Variants in KL observed in about 807,000 individuals in gnomAD.
KL encodes the protein alpha-klotho.
KL carries 62 observed loss-of-function variants against 84.2 expected under a neutral mutation model. That is an observed-to-expected ratio of 0.74 (90% CI 0.60 to 0.91). The LOEUF (loss-of-function observed/expected upper bound fraction) is 0.91, where lower values mean the gene tolerates loss of function less well. KL is among the 40% of genes least tolerant of loss of function. The pLI is 0.00. For synonymous variants in KL, 528 were observed against 528.0 expected (o/e 1.00, Z 0.00); for missense variants, 1,261 against 1,305.7 (o/e 0.97, Z 0.53).
chr13:33,054,830 C>G (rs1231143233), intron 2 of KL, among the ~76,000 whole-genome samples: 1 of 151,818 alleles, frequency 6.6e-6, no homozygotes, highest in African/African-American at 2.4e-5. Context: ...CTCAGAAATC[C>G]AAAAAACATA....
intron 1 of KL, among the ~76,000 whole-genome samples, chr13:33,035,123 G>A (rs1051744496): frequency 2.6e-5 from 4 of 152,104 alleles, no homozygotes; most frequent in African/African-American, 4.8e-5. Flanking sequence ...ATGACTTTCC[G>A]CTATCCACCA....
intron 1 of KL, among the ~76,000 whole-genome samples, chr13:33,027,549 A>G (rs967335458): frequency 1.3e-5 from 2 of 152,138 alleles, no homozygotes; most frequent in Non-Finnish European, 2.9e-5. Flanking sequence ...TGAGCCTTTA[A>G]CTGTTTGTTA....
intron 1 of KL, among the ~76,000 whole-genome samples, chr13:33,025,817 T>G (rs1462252581): frequency 6.7e-6 from 1 of 148,268 alleles, no homozygotes; most frequent in Admixed American, 6.6e-5. Flanking sequence ...CTCTCAGGTT[T>G]TTTCCCCCCA....
rs139375994 is a variant in KL, at chr13:33,061,168, T to C, written c.2089T>C (p.Tyr697His). 15 of 1,614,108 alleles carry C rather than the reference T, an allele frequency of 9.3e-6. No individual in the cohort carries two copies. The Admixed American group carries it at 2.2e-4, about 23-fold the overall frequency. Reference sequence around the variant, plus strand: ...TGAGCCGTATACAAGGAATATGACATACAGTGCTGGCCACAACCTTCTGAA... The same window carrying C: ...TGAGCCGTATACAAGGAATATGACACACAGTGCTGGCCACAACCTTCTGAA... The part of the protein sequence containing the change: ...MNEPYTRNMT[Y>H]SAGHNLLKAH... Residue 697 changes from tyrosine to histidine, a missense_variant, in exon 4 of 5, where the codon TAC becomes CAC. Coordinates refer to ENST00000380099, the MANE Select transcript of KL (RefSeq NM_004795.4).
intron 1 of KL, among the ~76,000 whole-genome samples, chr13:33,035,498 T>C (rs1871122441): frequency 6.6e-6 from 1 of 152,224 alleles, no homozygotes; most frequent in Admixed American, 6.5e-5. Flanking sequence ...TAATAGATGT[T>C]TACTGAAAAA....
intron 1 of KL, among the ~76,000 whole-genome samples, chr13:33,034,413 AT>A (rs1871084947): frequency 6.6e-6 from 1 of 152,198 alleles, no homozygotes; most frequent in African/African-American, 2.4e-5. Context: ...TAGAAAACTG[AT>A]AGCGATGGGA....
At chr13:33,024,688 C>T (rs1204333111) in intron 1 of KL, among the ~76,000 whole-genome samples, 1 of 152,202 alleles carries the variant, frequency 6.6e-6, no homozygotes, top group Non-Finnish European at 1.5e-5. Flanking sequence ...CCTGTCCTCT[C>T]TTCTCTTTGA....
At chr13:33,063,676 C>T (rs1872295472) in intron 4 of KL, among the ~76,000 whole-genome samples, 173 bp from the exon 5 acceptor site, 2 of 151,616 alleles carry the variant, frequency 1.3e-5, no homozygotes, top group Non-Finnish European at 2.9e-5. Context: ...ACTCAGGAGG[C>T]TGAGGCAGGA....
At chr13:33,056,703 G>T (rs1871973679) in intron 3 of KL, among the ~76,000 whole-genome samples, 3 of 152,092 alleles carry the variant, frequency 2.0e-5, no homozygotes, top group African/African-American at 7.2e-5. Flanking sequence ...CTACTCTGGA[G>T]GCTGGGGCAG....
Position 33,056,174 on chromosome 13 carries a change from G to A in KL, c.1599+859G>A, listed in dbSNP as rs147142746. On this transcript the variant is annotated intron_variant, in intron 3 of 4. Coordinates refer to ENST00000380099, the MANE Select transcript of KL (RefSeq NM_004795.4). ...AGCGGGCATGGTGGTAAGTAACAAG[G>A]GCGGGGCTGGGGGATTGCTGCTGAT... 3.3e-4 allele frequency among the ~76,000 whole-genome samples: 51 copies of A among 152,284 alleles called. 1 individual carries two copies. The East Asian group carries it at 9.1e-3, about 27-fold the overall frequency.
chr13:33,054,531 A>C (rs984167751), intron 2 of KL, among the ~76,000 whole-genome samples: 2 of 152,244 alleles, frequency 1.3e-5, no homozygotes, highest in African/African-American at 4.8e-5. Flanking sequence ...TTCAGTTATT[A>C]ATCTAGATTT....
chr13:33,053,641 T>C (rs1408778442), intron 1 of KL, 126 bp from the exon 2 acceptor site: 2 of 921,868 alleles, frequency 2.2e-6, no homozygotes, highest in Non-Finnish European at 3.4e-6. Flanking sequence ...TAGCTGATTT[T>C]TATATTGTTA....
In KL at chr13:33,025,700, A is replaced by G. The variant is rs560067704; in HGVS notation, c.819+8441A>G. Among the ~76,000 whole-genome samples, 61 of 152,290 alleles carry G rather than the reference A, an allele frequency of 4.0e-4. No homozygotes were observed. The South Asian group carries it at 0.01, about 25-fold the overall frequency. On this transcript the variant is annotated intron_variant, in intron 1 of 4. Transcript: ENST00000380099. Reference sequence around the variant, plus strand: ...GTGTTCAGAGTAGGCTTCAGCGATTACATTTCTTGTTAGACACTGAATTTT... The same window carrying G: ...GTGTTCAGAGTAGGCTTCAGCGATTGCATTTCTTGTTAGACACTGAATTTT...
At chr13:33,018,543 A>G (rs780304954) in intron 1 of KL, among the ~76,000 whole-genome samples, 5 of 152,142 alleles carry the variant, frequency 3.3e-5, no homozygotes, top group Non-Finnish European at 5.9e-5. Context: ...ACACATTGTG[A>G]TTTTTGTGAT....
In KL at chr13:33,025,503, A is replaced by G. The variant is rs577334006; in HGVS notation, c.819+8244A>G. 2.0e-5 allele frequency among the ~76,000 whole-genome samples: 3 copies of G among 152,326 alleles called. No homozygotes were observed. In the South Asian group the frequency reaches 6.2e-4, roughly 32 times the overall value. On this transcript the variant is annotated intron_variant, in intron 1 of 4. Coordinates refer to ENST00000380099, the MANE Select transcript of KL (RefSeq NM_004795.4). The stretch of plus-strand genomic sequence containing the variant: ...AGGGCATTGTGCCTTTCTAGGAAAC[A>G]TCCCTTGCAAAGTCAGTACAGGTGA...
At position 33,017,035 on chromosome 13, in the gene KL, C is replaced by T. The variant is rs200063460; in HGVS notation, c.595C>T (p.Arg199Cys). ...VTLYHWDLPQ[R>C]LQDAYGGWAN... is the part of the protein sequence containing the mutation. ...CCTGTACCACTGGGACCTGCCCCAG[C>T]GCCTGCAGGACGCCTACGGCGGCTG... Residue 199 changes from arginine (R) to cysteine (C), a missense_variant, in exon 1 of 5, where the codon CGC becomes TGC. Transcript: ENST00000380099. 2,347 of 1,600,160 alleles carry T rather than the reference C, an allele frequency of 1.5e-3. 26 individuals carry two copies. In the African/African-American group the frequency reaches 0.028, roughly 19 times the overall value.
intron 1 of KL, among the ~76,000 whole-genome samples, chr13:33,047,171 G>T (rs573406): frequency 0.67 from 100,997 of 151,746 alleles, 34,073 homozygotes; most frequent in Admixed American, 0.76. Context: ...TTAGCTCTAG[G>T]TGAATTATAG....
At chr13:33,038,305 G>A (rs1480429443) in intron 1 of KL, among the ~76,000 whole-genome samples, 1 of 152,130 alleles carries the variant, frequency 6.6e-6, no homozygotes, top group Non-Finnish European at 1.5e-5. Context: ...TTCACAACAC[G>A]TTGGGTAAAT....
intron 1 of KL, among the ~76,000 whole-genome samples, chr13:33,025,786 T>G (rs1870751179): frequency 6.6e-6 from 1 of 151,712 alleles, no homozygotes; most frequent in Admixed American, 6.6e-5. Context: ...GGACTCAAAT[T>G]AGTTTGCAGT....
Sources: allele counts gnomAD v4.1 joint callset (sites outside exome capture counted in the v4.1 genomes callset), GRCh38; gene constraint gnomAD v4.1.1; transcripts MANE v1.5; gene names NCBI Gene and HGNC (gene_info 2026-07-23, HGNC 2026-07-21).